The following COL5A1 variants were observed in gnomAD, a reference collection of about 807,000 sequenced individuals.
COL5A1 encodes the protein collagen type V alpha 1 chain.
Under a neutral mutation model 263.7 loss-of-function variants are expected in COL5A1, and 16 were observed. That is an observed-to-expected ratio of 0.06 (90% CI 0.04 to 0.09). The LOEUF is 0.09. Among genes scored for constraint, COL5A1 ranks in the 10% least tolerant of loss-of-function variants. The probability of loss-of-function intolerance (pLI) is 1.00; values close to 1 mark genes in which losing one functional copy is unlikely to be tolerated. For synonymous variants in COL5A1, 1,012 were observed against 1,004.5 expected, an observed-to-expected ratio of 1.01 and a Z score of -0.14; for missense variants, 2,036 against 2,540.5, an observed-to-expected ratio of 0.80 and a Z score of 4.27.
At position 134,842,410 on chromosome 9, in the gene COL5A1, T is replaced by C. The variant is rs1032150248; in HGVS notation, c.*107T>C. On this transcript the variant is annotated 3_prime_UTR_variant, in exon 66 of 66. Coordinates refer to ENST00000371817, the MANE Select transcript of COL5A1 (RefSeq NM_000093.5). This position sits in a 1 kb window ranked among gnomAD's most constrained non-coding sequence, Gnocchi z 5.8. Reference sequence around the variant, plus strand: ...ACCCTGGACAGTGAAGGCTTCTCCCTCCCCTCCCACCTGACTTCATCTACG... The same window carrying C: ...ACCCTGGACAGTGAAGGCTTCTCCCCCCCCTCCCACCTGACTTCATCTACG... 2 of 1,362,990 alleles carry C rather than the reference T, an allele frequency of 1.5e-6. No homozygotes were observed. Among genetic ancestry groups the C allele is most frequent in the Non-Finnish European group, 2.0e-6 (2 of 981,574 alleles). 84.4% of individuals were successfully genotyped at this position (1,362,990 alleles called of 1,614,324 possible).
rs773915537 is a variant in COL5A1 at position 134,811,368 on chromosome 9, C to T, written c.3558C>T (p.Gly1186=). ...QGPPGPTGPQ[G]PIGQPGPSGA... is the part of the protein sequence containing the mutation. The stretch of plus-strand genomic sequence containing the variant: ...CTCCTGGGCCTACAGGTCCTCAAGG[C>T]CCCATCGGACAGCCAGGCCCCTCTG... Residue 1186 remains glycine (G), a synonymous_variant, in exon 45 of 66, where the codon GGC becomes GGT. Transcript: ENST00000371817. The T allele has an allele frequency of 6.2e-7, 1 of 1,613,194 alleles. No homozygotes were observed. Among genetic ancestry groups the T allele is most frequent in the Non-Finnish European group, 8.5e-7 (1 of 1,179,674 alleles).
chr9:134,770,582 A>G (rs988277354), intron 25 of COL5A1, among the ~76,000 whole-genome samples: 1 of 152,270 alleles, frequency 6.6e-6, no homozygotes, highest in African/African-American at 2.4e-5. Flanking sequence ...ATCTGCAGAG[A>G]CGACAGATGA....
In COL5A1 at chr9:134,696,260, G is replaced by A. The variant is rs1833464336; in HGVS notation, c.278-3649G>A. Among the ~76,000 whole-genome samples the A allele has an allele frequency of 6.6e-6, 1 of 152,064 alleles. No individual in the cohort carries two copies. Among genetic ancestry groups the A allele is most frequent in the Admixed American group, 6.6e-5 (1 of 15,250 alleles). The stretch of plus-strand genomic sequence containing the variant: ...GTAATCTTGGCTCACGGCAACCTCT[G>A]CCTCCCAGGTTCAAGCGATTCTCCT... On this transcript the variant is annotated intron_variant, in intron 2 of 65. Transcript: ENST00000371817. This position sits in a 1 kb window ranked among gnomAD's most constrained non-coding sequence, Gnocchi z 4.3.
rs1178460038 is a variant in COL5A1, at chr9:134,681,502, G to A, written c.110-9410G>A. Among the ~76,000 whole-genome samples the A allele has an allele frequency of 6.6e-6, 1 of 152,218 alleles. No individual in the cohort carries two copies. Among genetic ancestry groups the A allele is most frequent in the East Asian group, 1.9e-4 (1 of 5,196 alleles). On this transcript the variant is annotated intron_variant, in intron 1 of 65. Coordinates refer to ENST00000371817, the MANE Select transcript of COL5A1 (RefSeq NM_000093.5). This position sits in a 1 kb window ranked among gnomAD's most constrained non-coding sequence, Gnocchi z 4.3. ...CAGTGATGGGGCCACGGGTGGGACC[G>A]GAATGGAGGCTGCCAGCTGTGTCTG...
At chr9:134,797,864 C>T (rs1264853840) in intron 36 of COL5A1, among the ~76,000 whole-genome samples, 5 of 152,214 alleles carry the variant, frequency 3.3e-5, no homozygotes, top group Admixed American at 3.3e-4. Flanking sequence ...CATCCTAATT[C>T]AGTTACACTG....
chr9:134,812,384 G>C, intron 46 of COL5A1, 65 bp from the exon 47 acceptor site: 2 of 1,539,042 alleles, frequency 1.3e-6, no homozygotes, highest in Non-Finnish European at 1.8e-6. Flanking sequence ...GGTCGTGAAA[G>C]CTGTGTGTGT....
chr9:134,724,429 G>A (rs764090880), intron 4 of COL5A1, among the ~76,000 whole-genome samples: 3 of 152,194 alleles, frequency 2.0e-5, no homozygotes, highest in Non-Finnish European at 2.9e-5. Flanking sequence ...GGGCCTGTCC[G>A]GCAGCACAGA....
chr9:134,744,709 T>C (rs1835430811), intron 11 of COL5A1, among the ~76,000 whole-genome samples: 1 of 144,058 alleles, frequency 6.9e-6, no homozygotes, highest in South Asian at 2.2e-4. Context: ...CCATACATGC[T>C]CTCACACAGT....
chr9:134,791,910 C>T (rs1409057427), intron 32 of COL5A1, among the ~76,000 whole-genome samples: 1 of 152,180 alleles, frequency 6.6e-6, no homozygotes, highest in African/African-American at 2.4e-5. Context: ...GTAAGCAGCA[C>T]TCAGAGGAGT....
intron 2 of COL5A1, among the ~76,000 whole-genome samples, chr9:134,693,807 G>C (rs1458831307): frequency 1.3e-5 from 2 of 152,248 alleles, no homozygotes; most frequent in Non-Finnish European, 2.9e-5. Flanking sequence ...CAGGTTTTCT[G>C]TTTGAGAAGT....
chr9:134,811,705 A>G, intron 46 of COL5A1, 106 bp downstream of exon 46: 1 of 1,012,586 alleles, frequency 9.9e-7, no homozygotes, highest in South Asian at 1.4e-5. Flanking sequence ...AACTAAAGCC[A>G]GGCTGCAGGG....
Position 134,774,182 on chromosome 9 carries a change from G to T in COL5A1, c.2332-677G>T, listed in dbSNP as rs78755010. Among the ~76,000 whole-genome samples, 71 of 152,344 alleles carry T rather than the reference G, an allele frequency of 4.7e-4. No homozygotes were observed. The East Asian group carries it at 0.013, about 28-fold the overall frequency. ...TCTATGTGCCAGGCATCCTGTTAGCGATGGGATACAGCAGGGAGCAAGGCA... is the reference window on the plus strand; with the variant it reads ...TCTATGTGCCAGGCATCCTGTTAGCTATGGGATACAGCAGGGAGCAAGGCA... On this transcript the variant is annotated intron_variant, in intron 26 of 65. Transcript: ENST00000371817.
intron 4 of COL5A1, among the ~76,000 whole-genome samples, chr9:134,711,262 C>G (rs1834035052): frequency 6.6e-6 from 1 of 152,034 alleles, no homozygotes; most frequent in Admixed American, 6.5e-5. Context: ...TCCCCAGACC[C>G]AAGCAGACGG....
At chr9:134,762,939 T>C (rs1836516154) in intron 19 of COL5A1, among the ~76,000 whole-genome samples, 1 of 152,154 alleles carries the variant, frequency 6.6e-6, no homozygotes, top group Admixed American at 6.5e-5. Context: ...GGAGTGCACG[T>C]ATCTGTGTGC....
rs78017171 is a variant in COL5A1, at chr9:134,714,212, C to T, written c.654+12879C>T. Among the ~76,000 whole-genome samples, 1,246 of 152,098 alleles carry T rather than the reference C, an allele frequency of 8.2e-3. 13 individuals carry two copies. Among genetic ancestry groups the T allele is most frequent in the African/African-American group, 0.027 (1,125 of 41,516 alleles). On this transcript the variant is annotated intron_variant, in intron 4 of 65. Transcript: ENST00000371817. ...GGCCTTCATGCTACAGAGGCATGTTCGGGAAAGGCTGGTGAGCCTTTCTCA... is the reference window on the plus strand; with the variant it reads ...GGCCTTCATGCTACAGAGGCATGTTTGGGAAAGGCTGGTGAGCCTTTCTCA...
intron 64 of COL5A1, chr9:134,832,988 C>G (rs1312552523): frequency 6.6e-6 from 1 of 152,312 alleles, no homozygotes; most frequent in Non-Finnish European, 1.5e-5. Context: ...CAATGGGGCT[C>G]TTTCGGAGCA....
At chr9:134,776,978 C>G (rs1192885192) in intron 27 of COL5A1, among the ~76,000 whole-genome samples, 1 of 152,216 alleles carries the variant, frequency 6.6e-6, no homozygotes, top group Non-Finnish European at 1.5e-5. Context: ...AGTCAGTCAC[C>G]TCCCCACAGC....
chr9:134,701,211 A>G lies in COL5A1; in HGVS notation c.532A>G (p.Thr178Ala). The change falls in exon 4 of 66, where the codon ACC (threonine) becomes GCC (alanine). Residue 178 changes from threonine to alanine, a missense_variant. This residue lies in a region of COL5A1 where 600 missense variants were observed against 634.5 expected (regional missense o/e 0.95). Transcript: ENST00000371817. ...IALSVHKKNV[T>A]LILDCKKKTT... ...TCTCAGCGTCCACAAGAAAAATGTC[A>G]CCTTGATCCTCGACTGTAAAAAGAA... 1 of 1,613,854 alleles carries G rather than the reference A, an allele frequency of 6.2e-7. No individual in the cohort carries two copies. The highest frequency in any genetic ancestry group is 1.1e-5 in the South Asian group (1 of 91,064).
chr9:134,754,208 G>C lies in COL5A1; in HGVS notation c.1774-65G>C. 6.4e-7 allele frequency: 1 copy of C among 1,553,214 alleles called. No homozygotes were observed. Among genetic ancestry groups the C allele is most frequent in the East Asian group, 2.2e-5 (1 of 44,632 alleles). On this transcript the variant is annotated intron_variant, in intron 15 of 65. Coordinates refer to ENST00000371817, the MANE Select transcript of COL5A1 (RefSeq NM_000093.5). This position sits in a 1 kb window ranked among gnomAD's most constrained non-coding sequence, Gnocchi z 4.3. ...GCAGGGTCGATGAGCACAGGGACAA[G>C]GCTTTGCTCTTTCTCCTGAGAAAGG...
Sources: gnomAD v4.1 joint callset for allele counts (sites outside exome capture counted in the v4.1 genomes callset) on GRCh38, gnomAD v4.1.1 for gene constraint, gnomAD v4.1.1 regional missense constraint, Gnocchi (gnomAD v3.1) non-coding constraint, MANE v1.5 for transcripts, NCBI Gene and HGNC (gene_info 2026-07-23, HGNC 2026-07-21) for gene names.